Variants in TRPC6 observed in about 807,000 individuals in gnomAD.
TRPC6 encodes short transient receptor potential channel 6.
In TRPC6, 55 loss-of-function variants were observed where a neutral mutation model predicts 90.7. The ratio of observed to expected loss-of-function variants is 0.61; its 90% CI spans 0.49 to 0.76. TRPC6 has a LOEUF of 0.76. Ranked by LOEUF, TRPC6 falls within the 30% of genes least tolerant of loss-of-function variation. The probability of loss-of-function intolerance (pLI) is 0.00; values close to 1 mark genes in which losing one functional copy is unlikely to be tolerated. For synonymous variants in TRPC6, 393 were observed against 393.0 expected, an observed-to-expected ratio of 1.00 and a Z score of 0.00; for missense variants, 989 against 1,122.7, an observed-to-expected ratio of 0.88 and a Z score of 1.70.
intron 1 of TRPC6, among the ~76,000 whole-genome samples, chr11:101,524,909 G>C (rs1259112796): frequency 2.6e-5 from 4 of 152,262 alleles, no homozygotes; most frequent in East Asian, 1.9e-4. Context: ...AAAATGTAAT[G>C]CTGCTTCAAT....
At chr11:101,529,177 C>T (rs80009218) in intron 1 of TRPC6, among the ~76,000 whole-genome samples, 23 of 152,310 alleles carry the variant, frequency 1.5e-4, no homozygotes, top group African/African-American at 5.5e-4. Context: ...TCAAACTTCA[C>T]TAAAAGCCTA....
intron 2 of TRPC6, among the ~76,000 whole-genome samples, chr11:101,498,926 T>G (rs868508422): frequency 1.0e-5 from 1 of 98,642 alleles, no homozygotes; most frequent in Non-Finnish European, 2.2e-5. Context: ...AGGGCTTCCC[T>G]GAATAAATAC....
chr11:101,539,249 A>G (rs10895133), intron 1 of TRPC6, among the ~76,000 whole-genome samples: 36,508 of 152,112 alleles, frequency 0.24, 4,533 homozygotes, highest in Admixed American at 0.28. Context: ...ATTCCTTAGA[A>G]CTAGACTGCT....
At chr11:101,542,743 A>G (rs10791498) in intron 1 of TRPC6, among the ~76,000 whole-genome samples, 54,631 of 151,678 alleles carry the variant, frequency 0.36, 10,187 homozygotes, top group East Asian at 0.44. Flanking sequence ...ATTATGCATA[A>G]TGAATGTGAT....
rs1161034906 is a variant in TRPC6, at chr11:101,470,809, C to CG, written c.2409+373_2409+374insC. Among the ~76,000 whole-genome samples the CG allele has an allele frequency of 3.5e-4, 15 of 43,300 alleles. 1 individual carries two copies. The highest frequency in any genetic ancestry group is 5.9e-4 in the Non-Finnish European group (14 of 23,686). The allele number at this position is 43,300 out of a possible 152,430, so 28.4% of individuals were successfully genotyped here. A position where few individuals can be genotyped will look rare whatever the true frequency, so the allele number is the denominator to read the frequency against. ...CTAAGAGTTAATCAAGTTGCCCCGCCCCCCCCCCCTCCCCGAGTCATAACA... is the reference window on the plus strand; with the variant it reads ...CTAAGAGTTAATCAAGTTGCCCCGCCGCCCCCCCCCTCCCCGAGTCATAACA... On this transcript the variant is annotated intron_variant, in intron 9 of 12. Transcript: ENST00000344327.
At chr11:101,522,476 G>C (rs562571036) in intron 1 of TRPC6, among the ~76,000 whole-genome samples, 13 of 152,194 alleles carry the variant, frequency 8.5e-5, no homozygotes, top group African/African-American at 2.9e-4. Flanking sequence ...CCAGTCTTAG[G>C]TAGTTCTTTA....
intron 1 of TRPC6, among the ~76,000 whole-genome samples, chr11:101,526,145 G>C (rs75796094): frequency 6.6e-6 from 1 of 152,052 alleles, no homozygotes; most frequent in Non-Finnish European, 1.5e-5. Context: ...TTAATGAAAG[G>C]GTATAAATAT....
chr11:101,571,218 C>T (rs1861956809), intron 1 of TRPC6, among the ~76,000 whole-genome samples: 2 of 152,166 alleles, frequency 1.3e-5, no homozygotes, highest in African/African-American at 4.8e-5. Context: ...CATTCCTATA[C>T]ACCAATAACA....
At chr11:101,524,583 C>T (rs1271530432) in intron 1 of TRPC6, among the ~76,000 whole-genome samples, 1 of 152,226 alleles carries the variant, frequency 6.6e-6, no homozygotes, top group Non-Finnish European at 1.5e-5. Flanking sequence ...ATTTAAATCA[C>T]AAATGTAATT....
intron 1 of TRPC6, among the ~76,000 whole-genome samples, chr11:101,516,328 C>T (rs1019352562): frequency 6.6e-6 from 1 of 152,094 alleles, no homozygotes; most frequent in Non-Finnish European, 1.5e-5. Flanking sequence ...GTGACGCACA[C>T]ATGCTGAAAA....
chr11:101,579,887 T>A (rs11224880), intron 1 of TRPC6, among the ~76,000 whole-genome samples: 2 of 152,078 alleles, frequency 1.3e-5, no homozygotes, highest in Non-Finnish European at 2.9e-5. Flanking sequence ...TCCAGGCTTC[T>A]TCGTCACTGG....
At chr11:101,498,424 G>A (rs1860005239) in intron 2 of TRPC6, among the ~76,000 whole-genome samples, 1 of 152,072 alleles carries the variant, frequency 6.6e-6, no homozygotes, top group South Asian at 2.1e-4. Context: ...CCATCTAATT[G>A]TTAGATTTCT....
intron 1 of TRPC6, among the ~76,000 whole-genome samples, chr11:101,527,679 G>T (rs1459105301): frequency 6.6e-6 from 1 of 152,052 alleles, no homozygotes; most frequent in African/African-American, 2.4e-5. Context: ...TTTGCAGAAA[G>T]ACATTTTAAA....
intron 2 of TRPC6, among the ~76,000 whole-genome samples, chr11:101,498,220 C>T (rs959516534): frequency 6.6e-6 from 1 of 152,108 alleles, no homozygotes; most frequent in Non-Finnish European, 1.5e-5. Context: ...CTTTGTGTTG[C>T]CAAAATTGTC....
chr11:101,463,547 G>T (rs1176679773), intron 10 of TRPC6, among the ~76,000 whole-genome samples: 1 of 152,152 alleles, frequency 6.6e-6, no homozygotes, highest in Non-Finnish European at 1.5e-5. Flanking sequence ...GAGGGTGTAT[G>T]TGTCCAGGAA....
At chr11:101,482,063 A>G (rs1859564311) in intron 5 of TRPC6, among the ~76,000 whole-genome samples, 1 of 152,174 alleles carries the variant, frequency 6.6e-6, no homozygotes, top group Non-Finnish European at 1.5e-5. Context: ...TGCCCCTTCC[A>G]TTTCACATCC....
intron 1 of TRPC6, among the ~76,000 whole-genome samples, chr11:101,509,252 C>A (rs1860344246): frequency 1.3e-5 from 2 of 151,656 alleles, no homozygotes; most frequent in Admixed American, 6.6e-5. Flanking sequence ...GCACATGCTA[C>A]CTCACCCAGT....
chr11:101,536,579 T>C (rs571084395), intron 1 of TRPC6, among the ~76,000 whole-genome samples: 103 of 151,910 alleles, frequency 6.8e-4, no homozygotes, highest in African/African-American at 2.4e-3. Context: ...TAAGATGTAG[T>C]AGAGGGGAGA....
chr11:101,535,211 GAAGGAAGGAAGGAAGGAAGGAAGA>G lies in TRPC6; in HGVS notation c.171-30437_171-30414del, dbSNP rs1338907948. Among the ~76,000 whole-genome samples the G allele has an allele frequency of 5.0e-3, 418 of 83,978 alleles. 4 individuals are homozygous for G. The highest frequency in any genetic ancestry group is 8.0e-3 in the Non-Finnish European group (292 of 36,332). 55.1% of individuals were successfully genotyped at this position (83,978 alleles called of 152,430 possible). ...GGAAGGAAGGAAGGAAGGAAGGAAGGAAGGAAGGAAGGAAGGAAGGAAGAAAACACAAAGCATTTGAGGAGACAA... is the reference window on the plus strand; with the variant it reads ...GGAAGGAAGGAAGGAAGGAAGGAAGGAAACACAAAGCATTTGAGGAGACAA... On this transcript the variant is annotated intron_variant, in intron 1 of 12. Coordinates refer to ENST00000344327, the MANE Select transcript of TRPC6 (RefSeq NM_004621.6).
Sources: gnomAD v4.1 joint callset for allele counts (sites outside exome capture counted in the v4.1 genomes callset) on GRCh38, gnomAD v4.1.1 for gene constraint, MANE v1.5 for transcripts, NCBI Gene and HGNC (gene_info 2026-07-23, HGNC 2026-07-21) for gene names.